CACNA1C: variants seen among roughly 807,000 people sequenced by gnomAD.
The protein encoded by CACNA1C is calcium voltage-gated channel subunit alpha1 C, also known as voltage-dependent L-type calcium channel subunit alpha-1C.
Under a neutral mutation model 229.0 loss-of-function variants are expected in CACNA1C, and 30 were observed. The ratio of observed to expected loss-of-function variants is 0.13; its 90% CI spans 0.10 to 0.18. The LOEUF (loss-of-function observed/expected upper bound fraction) is 0.18. CACNA1C is among the 10% of genes least tolerant of loss of function. The pLI is 1.00. For synonymous variants in CACNA1C, 1,114 were observed against 1,132.5 expected (o/e 0.98, Z 0.33); for missense variants, 1,658 against 2,845.0 (o/e 0.58, Z 9.49).
At chr12:2,097,982 C>T (rs764343296) in intron 1 of CACNA1C, among the ~76,000 whole-genome samples, 8 of 152,152 alleles carry the variant, frequency 5.3e-5, no homozygotes, top group Non-Finnish European at 7.3e-5. Context: ...AGAAGGACCT[C>T]GTACGGTATC....
At chr12:2,377,399 T>C (rs968432969) in intron 3 of CACNA1C, among the ~76,000 whole-genome samples, 1 of 152,184 alleles carries the variant, frequency 6.6e-6, no homozygotes, top group Non-Finnish European at 1.5e-5. Flanking sequence ...TGCACCCAGC[T>C]GCAACAGCGC....
At chr12:2,625,885 G>C (rs981000512) in intron 29 of CACNA1C, among the ~76,000 whole-genome samples, 4 of 152,264 alleles carry the variant, frequency 2.6e-5, no homozygotes, top group African/African-American at 9.6e-5. Flanking sequence ...TTGTGCCCAG[G>C]AGATGGAGGC....
chr12:2,408,495 T>C (rs1338896261), intron 3 of CACNA1C, among the ~76,000 whole-genome samples: 3 of 112,002 alleles, frequency 2.7e-5, no homozygotes, highest in Non-Finnish European at 5.9e-5. Context: ...TAATTGGGGC[T>C]TTTTTTTTTT....
At chr12:2,648,172 C>A (rs1328345502) in intron 30 of CACNA1C, among the ~76,000 whole-genome samples, 2 of 152,128 alleles carry the variant, frequency 1.3e-5, no homozygotes, top group South Asian at 4.2e-4. Flanking sequence ...TTATAAACCT[C>A]CATCCACAAA....
At chr12:2,621,914 T>C (rs2083464638) in intron 29 of CACNA1C, among the ~76,000 whole-genome samples, 1 of 152,176 alleles carries the variant, frequency 6.6e-6, no homozygotes, top group South Asian at 2.1e-4. Flanking sequence ...GGGCTGGAGA[T>C]GTATTTTAGG....
chr12:2,396,464 G>T (rs1358023354), intron 3 of CACNA1C, among the ~76,000 whole-genome samples: 3 of 152,146 alleles, frequency 2.0e-5, no homozygotes, highest in Admixed American at 2.0e-4. Context: ...CTGCCCAAGT[G>T]GTTCAGGTCA....
At chr12:2,163,298 C>G (rs1158637832) in intron 3 of CACNA1C, among the ~76,000 whole-genome samples, 1 of 152,032 alleles carries the variant, frequency 6.6e-6, no homozygotes, top group Non-Finnish European at 1.5e-5. Context: ...TCACAACAGC[C>G]TTGTGACGTA....
At position 2,578,004 on chromosome 12, in the gene CACNA1C, G is replaced by A. The variant is rs1328278706; in HGVS notation, c.1896-3586G>A. 5.3e-5 allele frequency among the ~76,000 whole-genome samples: 8 copies of A among 151,662 alleles called. No individual in the cohort carries two copies. The East Asian group carries it at 7.8e-4, about 15-fold the overall frequency. On this transcript the variant is annotated intron_variant, in intron 13 of 46. Transcript: ENST00000399655. ...CTGCCTCAGCCTCCCGAGTAGCTGG[G>A]ACTACAGGCGCCCGCTACCACACCC...
intron 3 of CACNA1C, among the ~76,000 whole-genome samples, chr12:2,274,486 G>T (rs1044062628): frequency 6.6e-6 from 1 of 152,208 alleles, no homozygotes; most frequent in African/African-American, 2.4e-5. Context: ...GTTTTCAGCC[G>T]CTGGTGACTG....
chr12:2,293,447 T>C (rs1268270789), intron 3 of CACNA1C, among the ~76,000 whole-genome samples: 1 of 152,224 alleles, frequency 6.6e-6, no homozygotes, highest in Non-Finnish European at 1.5e-5. Flanking sequence ...TGAATGCCTC[T>C]AACACCTAGA....
intron 8 of CACNA1C, among the ~76,000 whole-genome samples, chr12:2,505,391 G>A (rs1430814556): frequency 6.6e-6 from 1 of 152,106 alleles, no homozygotes; most frequent in East Asian, 1.9e-4. Context: ...ACTGTTTAAA[G>A]CCATATATTA....
chr12:2,068,879 T>C (rs960521018), intron 1 of CACNA1C, among the ~76,000 whole-genome samples: 1 of 152,220 alleles, frequency 6.6e-6, no homozygotes, highest in Admixed American at 6.5e-5. Context: ...TTTCCTTTTT[T>C]CCACTCCAGT....
intron 15 of CACNA1C, among the ~76,000 whole-genome samples, chr12:2,583,512 C>T (rs1263522374): frequency 1.3e-5 from 2 of 152,228 alleles, no homozygotes; most frequent in Non-Finnish European, 2.9e-5. Flanking sequence ...TGCTTCTCTT[C>T]CCCAGCTCAT....
chr12:2,470,155 G>C (rs145310074), intron 5 of CACNA1C, among the ~76,000 whole-genome samples: 1 of 152,294 alleles, frequency 6.6e-6, no homozygotes, highest in Non-Finnish European at 1.5e-5. Flanking sequence ...CCCAGAGGTG[G>C]GAGAGTAGGT....
intron 1 of CACNA1C, among the ~76,000 whole-genome samples, chr12:2,022,875 C>T (rs913731906): frequency 6.6e-6 from 1 of 152,118 alleles, no homozygotes; most frequent in Admixed American, 6.5e-5. Context: ...TAAGTGAAGA[C>T]TTATTGTACT....
intron 3 of CACNA1C, among the ~76,000 whole-genome samples, chr12:2,332,403 A>T (rs1326477980): frequency 1.3e-5 from 2 of 152,244 alleles, no homozygotes; most frequent in Non-Finnish European, 2.9e-5. Context: ...TTGTTGATGA[A>T]TAAGGACAAG....
chr12:2,640,138 C>T (rs1172943379), intron 30 of CACNA1C, among the ~76,000 whole-genome samples: 3 of 152,196 alleles, frequency 2.0e-5, no homozygotes, highest in African/African-American at 7.2e-5. Context: ...GGATGAAACC[C>T]GTGTGCTTAC....
intron 7 of CACNA1C, among the ~76,000 whole-genome samples, chr12:2,495,548 AG>A (rs796888597): frequency 3.3e-4 from 51 of 152,346 alleles, no homozygotes; most frequent in African/African-American, 1.2e-3. Flanking sequence ...ATGCCCCACC[AG>A]CCAGATGTGA....
In CACNA1C at chr12:2,596,097, C is replaced by G. The variant is rs2068039297; in HGVS notation, c.2793+94C>G. The G allele has an allele frequency of 6.4e-6, 8 of 1,255,064 alleles. 1 individual carries two copies. The highest frequency in any genetic ancestry group is 7.7e-6 in the Non-Finnish European group (7 of 910,734). The allele number at this position is 1,255,064 out of a possible 1,614,324, so 77.7% of individuals were successfully genotyped here. A position where few individuals can be genotyped will look rare whatever the true frequency, so the allele number is the denominator to read the frequency against. On this transcript the variant is annotated intron_variant, in intron 20 of 46. Transcript: ENST00000399655. ...TGACATCATTGTTCAATCAGGAGCCCAATTCTAGGTGTCATAATTAGATCC... is the reference window on the plus strand; with the variant it reads ...TGACATCATTGTTCAATCAGGAGCCGAATTCTAGGTGTCATAATTAGATCC...
Sources: allele counts gnomAD v4.1 joint callset (sites outside exome capture counted in the v4.1 genomes callset), GRCh38; gene constraint gnomAD v4.1.1; transcripts MANE v1.5; gene names NCBI Gene and HGNC (gene_info 2026-07-23, HGNC 2026-07-21).